PTPRD: variants seen among roughly 807,000 people sequenced by gnomAD.
PTPRD encodes protein tyrosine phosphatase receptor type D, also known as receptor-type tyrosine-protein phosphatase delta.
Under a neutral mutation model 214.5 loss-of-function variants are expected in PTPRD, and 34 were observed. That is an observed-to-expected ratio of 0.16 (90% CI 0.12 to 0.21). The LOEUF is 0.21. Among genes scored for constraint, PTPRD ranks in the 10% least tolerant of loss-of-function variants. The pLI, the probability that PTPRD is intolerant of heterozygous loss-of-function variation, is 1.00. For missense variants in PTPRD, 2,545 were observed against 2,398.7 expected (o/e 1.06, Z -1.27); for synonymous variants, 1,128 against 845.7 (o/e 1.33, Z -5.79).
chr9:8,634,396 T>C (rs1037998551), intron 13 of PTPRD, among the ~76,000 whole-genome samples: 1 of 152,060 alleles, frequency 6.6e-6, no homozygotes, highest in Non-Finnish European at 1.5e-5. Flanking sequence ...TGTGCCTAAA[T>C]TATGAATAAA....
At chr9:8,358,329 T>A (rs905579025) in intron 39 of PTPRD, among the ~76,000 whole-genome samples, 2 of 152,170 alleles carry the variant, frequency 1.3e-5, no homozygotes, top group South Asian at 2.1e-4. Flanking sequence ...AGTTTAAACA[T>A]AATTTAAAGT....
chr9:9,775,768 C>T (rs1370026726), intron 5 of PTPRD, among the ~76,000 whole-genome samples: 2 of 151,942 alleles, frequency 1.3e-5, no homozygotes, highest in Non-Finnish European at 2.9e-5. Flanking sequence ...ACGGTGAAAC[C>T]CAGTCTCTAC....
rs2096665221 is a variant in PTPRD, at chr9:9,510,131, C to G, written c.-237+64601G>C. 2.6e-5 allele frequency among the ~76,000 whole-genome samples: 4 copies of G among 151,840 alleles called. No individual in the cohort carries two copies. The South Asian group carries it at 8.3e-4, about 31-fold the overall frequency. ...CTACTTCCTACTGGGAACTTCTTCACATTGGTTCCATATGGGTGGAGTAGC... is the reference window on the plus strand; with the variant it reads ...CTACTTCCTACTGGGAACTTCTTCAGATTGGTTCCATATGGGTGGAGTAGC... On this transcript the variant is annotated intron_variant, in intron 8 of 45. Coordinates refer to ENST00000381196, the MANE Select transcript of PTPRD (RefSeq NM_002839.4).
intron 5 of PTPRD, among the ~76,000 whole-genome samples, chr9:9,920,437 A>G (rs2082241610): frequency 6.6e-6 from 1 of 152,156 alleles, no homozygotes; most frequent in Non-Finnish European, 1.5e-5. Context: ...GAAAAACATA[A>G]TAAGGTCACA....
At chr9:9,386,222 G>C (rs2063821509) in intron 9 of PTPRD, among the ~76,000 whole-genome samples, 1 of 152,062 alleles carries the variant, frequency 6.6e-6, no homozygotes, top group South Asian at 2.1e-4. Context: ...TATGTGACTG[G>C]AATGAAGTAT....
At chr9:9,450,950 T>TACATACACACACACAC (rs1555421721) in intron 8 of PTPRD, among the ~76,000 whole-genome samples, 19 of 136,592 alleles carry the variant, frequency 1.4e-4, no homozygotes, top group Non-Finnish European at 2.5e-4. Context: ...CATACATACA[T>TACATACACACACACAC]ACACACACAC....
At chr9:10,118,992 G>C (rs1322949507) in intron 3 of PTPRD, among the ~76,000 whole-genome samples, 1 of 151,538 alleles carries the variant, frequency 6.6e-6, no homozygotes, top group Admixed American at 6.6e-5. Context: ...TTGAATAATG[G>C]TCATTTAGAA....
intron 11 of PTPRD, among the ~76,000 whole-genome samples, chr9:8,748,024 C>A (rs894330880): frequency 3.3e-5 from 5 of 152,134 alleles, no homozygotes; most frequent in African/African-American, 4.8e-5. Context: ...ACCGCGGACC[C>A]CTGGACCGGC....
intron 12 of PTPRD, among the ~76,000 whole-genome samples, chr9:8,718,351 T>C (rs918633341): frequency 7.2e-5 from 11 of 152,200 alleles, no homozygotes; most frequent in African/African-American, 2.4e-4. Context: ...TGTTTTATTA[T>C]AATTATCATA....
At chr9:9,735,276 G>T (rs1281207037) in intron 6 of PTPRD, among the ~76,000 whole-genome samples, 1 of 152,040 alleles carries the variant, frequency 6.6e-6, no homozygotes, top group Non-Finnish European at 1.5e-5. Context: ...AAATATGCCT[G>T]CCTGCTTCTG....
intron 39 of PTPRD, among the ~76,000 whole-genome samples, chr9:8,369,665 C>A (rs1192237318): frequency 6.6e-6 from 1 of 151,732 alleles, no homozygotes; most frequent in East Asian, 1.9e-4. Context: ...TGTGATCTAT[C>A]CCCTTTTCAA....
intron 11 of PTPRD, among the ~76,000 whole-genome samples, chr9:8,848,057 T>C (rs1053691842): frequency 1.3e-5 from 2 of 152,094 alleles, no homozygotes; most frequent in Non-Finnish European, 2.9e-5. Context: ...TAAGAACTAT[T>C]CTTGGTGGAA....
chr9:8,458,134 G>C (rs1354882563), intron 33 of PTPRD, among the ~76,000 whole-genome samples: 2 of 152,058 alleles, frequency 1.3e-5, no homozygotes, highest in African/African-American at 4.8e-5. Flanking sequence ...AATTGCATTA[G>C]ACGATGCTTA....
At chr9:9,890,804 A>G (rs1293815791) in intron 5 of PTPRD, among the ~76,000 whole-genome samples, 1 of 152,078 alleles carries the variant, frequency 6.6e-6, no homozygotes, top group East Asian at 1.9e-4. Context: ...ATTCTCAAAT[A>G]TACTATGTCT....
At chr9:9,330,422 C>T (rs1225330503) in intron 9 of PTPRD, among the ~76,000 whole-genome samples, 1 of 151,992 alleles carries the variant, frequency 6.6e-6, no homozygotes, top group Admixed American at 6.6e-5. Context: ...GTACAGTAAC[C>T]TTTGGGATTT....
intron 7 of PTPRD, among the ~76,000 whole-genome samples, chr9:9,598,016 TC>T (rs2093483933): frequency 6.6e-6 from 1 of 152,034 alleles, no homozygotes; most frequent in African/African-American, 2.4e-5. Context: ...AAGACCTTTT[TC>T]CTGCAAACTG....
At chr9:10,436,123 A>C (rs665029) in intron 2 of PTPRD, among the ~76,000 whole-genome samples, 17,371 of 151,812 alleles carry the variant, frequency 0.11, 1,555 homozygotes, top group African/African-American at 0.22. Context: ...ACCCTCAATA[A>C]ACTGCTCTTT....
At chr9:10,248,533 A>AAAAAAAAAAAGC (rs60272481) in intron 3 of PTPRD, among the ~76,000 whole-genome samples, 1 of 127,426 alleles carries the variant, frequency 7.8e-6, no homozygotes, top group African/African-American at 3.3e-5. Flanking sequence ...AAAATAAAAA[A>AAAAAAAAAAAGC]AATAAAGCGA....
At chr9:8,786,085 G>A (rs1355805746) in intron 11 of PTPRD, among the ~76,000 whole-genome samples, 1 of 149,582 alleles carries the variant, frequency 6.7e-6, no homozygotes, top group Non-Finnish European at 1.5e-5. Flanking sequence ...CATACACATT[G>A]TTCACCGCTA....
Sources: gnomAD v4.1 joint callset for allele counts (sites outside exome capture counted in the v4.1 genomes callset) on GRCh38, gnomAD v4.1.1 for gene constraint, MANE v1.5 for transcripts, NCBI Gene and HGNC (gene_info 2026-07-23, HGNC 2026-07-21) for gene names.